ABR: variants seen among roughly 807,000 people sequenced by gnomAD.
ABR encodes active breakpoint cluster region-related protein.
In ABR, 35 loss-of-function variants were observed where a neutral mutation model predicts 107.2. The ratio of observed to expected loss-of-function variants is 0.33; its 90% CI spans 0.25 to 0.43. ABR has a LOEUF of 0.43. ABR is among the 20% of genes least tolerant of loss of function. The probability of loss-of-function intolerance (pLI) is 1.00; values close to 1 mark genes in which losing one functional copy is unlikely to be tolerated. For synonymous variants in ABR, 498 were observed against 462.0 expected (o/e 1.08, Z -1.00); for missense variants, 815 against 1,115.2 (o/e 0.73, Z 3.83).
At chr17:1,052,282 C>T (rs1356187427) in intron 14 of ABR, among the ~76,000 whole-genome samples, 1 of 151,630 alleles carries the variant, frequency 6.6e-6, no homozygotes, top group Non-Finnish European at 1.5e-5. Context: ...TTGAGACGGG[C>T]CATGAAGTGC....
intron 16 of ABR, chr17:1,031,984 A>G: frequency 1.9e-5 from 13 of 686,230 alleles, no homozygotes; most frequent in Non-Finnish European, 2.6e-5. Context: ...GCCGCCTCCC[A>G]GGCCCAGGGC....
chr17:1,010,599 G>T lies in ABR; in HGVS notation c.2236+130C>A, dbSNP rs2070449391. 1 of 1,274,630 alleles carries T rather than the reference G, an allele frequency of 7.8e-7. No homozygotes were observed. The highest frequency in any genetic ancestry group is 2.2e-5 in the Admixed American group (1 of 44,922). 79.0% of individuals were successfully genotyped at this position (1,274,630 alleles called of 1,614,324 possible). A position where few individuals can be genotyped will look rare whatever the true frequency, so the allele number is the denominator to read the frequency against. On this transcript the variant is annotated intron_variant, in intron 20 of 22. Coordinates refer to ENST00000302538, the MANE Select transcript of ABR (RefSeq NM_021962.5). The surrounding 1 kb of genome is among the most constrained non-coding windows in gnomAD (Gnocchi z 4.1). ...CTCACCCTCGGACCCCTCAGCCACA[G>T]GCCCCAGTGCACTGGGAAGGTCAGC... is the stretch of plus-strand genomic sequence containing the variant.
At chr17:1,088,061 C>T (rs867875046) in intron 4 of ABR, among the ~76,000 whole-genome samples, 5 of 152,340 alleles carry the variant, frequency 3.3e-5, no homozygotes, top group Middle Eastern at 3.4e-3. Context: ...AAATAAACCA[C>T]CTCCGGATGC....
intron 1 of ABR, among the ~76,000 whole-genome samples, chr17:1,127,744 A>G (rs1289483998): frequency 6.6e-6 from 1 of 152,114 alleles, no homozygotes; most frequent in African/African-American, 2.4e-5. Flanking sequence ...CAGGGGTCGC[A>G]GGAATGGACC....
intron 1 of ABR, among the ~76,000 whole-genome samples, chr17:1,158,010 G>A (rs569943443): frequency 4.6e-5 from 7 of 152,270 alleles, no homozygotes; most frequent in South Asian, 2.1e-4. Context: ...TGTGTGTCGC[G>A]TTGCAGCATG....
intron 2 of ABR, 36 bp downstream of exon 2, chr17:1,125,147 C>G (rs2039533696): frequency 2.0e-6 from 3 of 1,533,034 alleles, no homozygotes; most frequent in South Asian, 2.6e-5. Context: ...CCCGTCACCC[C>G]TCCCCAAACC....
At chr17:1,024,021 T>A (rs1293342303) in intron 16 of ABR, among the ~76,000 whole-genome samples, 1 of 38,956 alleles carries the variant, frequency 2.6e-5, no homozygotes, top group Admixed American at 5.9e-4. Context: ...CGAGACTCCA[T>A]CTCAAAAAAA....
At chr17:1,199,922 TTTC>T (rs1388503370) in intron 1 of ABR, among the ~76,000 whole-genome samples, 5 of 128,824 alleles carry the variant, frequency 3.9e-5, no homozygotes, top group East Asian at 7.6e-4. Flanking sequence ...AGAGCTCTTT[TTTC>T]TTTTTTTTTT....
rs2035181393 is a variant in ABR at position 1,070,847 on chromosome 17, G to T, written c.895-757C>A. 6.6e-6 allele frequency among the ~76,000 whole-genome samples: 1 copy of T among 152,156 alleles called. No homozygotes were observed. Among genetic ancestry groups the T allele is most frequent in the African/African-American group, 2.4e-5 (1 of 41,424 alleles). ...CCTACATCTGCTGTAATACGTAGGT[G>T]AGCGTATTCAAAGTATACAATTAAG... On this transcript the variant is annotated intron_variant, in intron 8 of 22. Coordinates refer to ENST00000302538, the MANE Select transcript of ABR (RefSeq NM_021962.5). The surrounding 1 kb of genome is among the most constrained non-coding windows in gnomAD (Gnocchi z 4.2).
Position 1,006,081 on chromosome 17 carries a change from T to C in ABR, c.2579A>G (p.Ter860TrpextTer77). ...CGCCCGCAGCCACCCTGCCTCGGGC[T>C]ACACGTCGGTGGAGAAGTACAGTGT... is the stretch of plus-strand genomic sequence containing the variant. The part of the protein sequence containing the change: ...RNTLYFSTDV[*>W] Residue 860 changes from the stop codon to tryptophan, a stop_lost, in exon 23 of 23, where the codon TAG (stop) becomes TGG (tryptophan). Transcript: ENST00000302538. The C allele has an allele frequency of 6.4e-7, 1 of 1,564,992 alleles. No individual in the cohort carries two copies. Among genetic ancestry groups the C allele is most frequent in the Non-Finnish European group, 8.7e-7 (1 of 1,154,400 alleles).
At chr17:1,020,738 C>T (rs572751701) in intron 16 of ABR, among the ~76,000 whole-genome samples, 16 of 152,170 alleles carry the variant, frequency 1.1e-4, no homozygotes, top group South Asian at 2.1e-4. Flanking sequence ...GGGTGCTCCA[C>T]GCACACCTGA....
At position 1,154,906 on chromosome 17, in the gene ABR, C is replaced by A. The variant is rs1251989608; in HGVS notation, c.61+24761G>T. The A allele has an allele frequency of 6.6e-6, 1 of 152,330 alleles. No individual in the cohort carries two copies. Among genetic ancestry groups the A allele is most frequent in the African/African-American group, 2.4e-5 (1 of 41,444 alleles). The allele number at this position is 152,330 out of a possible 1,614,324, so 9.4% of individuals were successfully genotyped here. On this transcript the variant is annotated intron_variant, in intron 1 of 22. Coordinates refer to ENST00000302538, the MANE Select transcript of ABR (RefSeq NM_021962.5). This position sits in a 1 kb window ranked among gnomAD's most constrained non-coding sequence, Gnocchi z 4.0. The stretch of plus-strand genomic sequence containing the variant: ...TACCTGGCCCTCACCAAGGCATCCA[C>A]CCAATCCTGGCGGGGCCTCAGCACA...
intron 1 of ABR, among the ~76,000 whole-genome samples, chr17:1,129,881 G>A (rs2039751708): frequency 6.6e-6 from 1 of 152,146 alleles, no homozygotes; most frequent in African/African-American, 2.4e-5. Context: ...CGGGAGGTGG[G>A]GGTTGTGATG....
chr17:1,008,851 A>G (rs1286691533), intron 21 of ABR, among the ~76,000 whole-genome samples: 1 of 152,212 alleles, frequency 6.6e-6, no homozygotes, highest in Non-Finnish European at 1.5e-5. Flanking sequence ...GAACTTTGCT[A>G]CAAGTACAAC....
At chr17:1,082,224 T>C (rs2036286284) in intron 5 of ABR, among the ~76,000 whole-genome samples, 2 of 152,190 alleles carry the variant, frequency 1.3e-5, no homozygotes, top group Non-Finnish European at 2.9e-5. Flanking sequence ...CTGGGGGCTG[T>C]TCCTCTCAGG....
At chr17:1,077,621 C>A (rs893398290) in intron 6 of ABR, among the ~76,000 whole-genome samples, 2 of 152,178 alleles carry the variant, frequency 1.3e-5, no homozygotes, top group Admixed American at 6.5e-5. Flanking sequence ...CCACACAGCC[C>A]CTCCAGCACA....
chr17:1,128,799 A>AAAAGAAAGAAAAAGT, intron 1 of ABR, among the ~76,000 whole-genome samples: 1 of 113,998 alleles, frequency 8.8e-6, no homozygotes, highest in African/African-American at 3.2e-5. Flanking sequence ...CGTTTTCACA[A>AAAAGAAAGAAAAAGT]GCTGGGAGTC....
At chr17:1,029,402 C>T (rs1378591792) in intron 16 of ABR, among the ~76,000 whole-genome samples, 1 of 152,160 alleles carries the variant, frequency 6.6e-6, no homozygotes, top group Non-Finnish European at 1.5e-5. Flanking sequence ...AGGCTCAGTT[C>T]TGATCATGAG....
chr17:1,037,060 C>T lies in ABR; in HGVS notation c.1791+12990G>A, dbSNP rs2073245168. Among the ~76,000 whole-genome samples the T allele has an allele frequency of 7.5e-6, 1 of 133,436 alleles. No individual in the cohort carries two copies. Among genetic ancestry groups the T allele is most frequent in the Non-Finnish European group, 1.6e-5 (1 of 62,686 alleles). The allele number at this position is 133,436 out of a possible 152,430, so 87.5% of individuals were successfully genotyped here. On this transcript the variant is annotated intron_variant, in intron 16 of 22. Coordinates refer to ENST00000302538, the MANE Select transcript of ABR (RefSeq NM_021962.5). This position sits in a 1 kb window ranked among gnomAD's most constrained non-coding sequence, Gnocchi z 4.6. ...CCACCCATCCATCCATCCATCCACC[C>T]ATCCATCCACCCACCCACCCATCCT...
Sources: gnomAD v4.1 joint callset for allele counts (sites outside exome capture counted in the v4.1 genomes callset) on GRCh38, gnomAD v4.1.1 for gene constraint, Gnocchi (gnomAD v3.1) non-coding constraint, MANE v1.5 for transcripts, NCBI Gene and HGNC (gene_info 2026-07-23, HGNC 2026-07-21) for gene names.